The following TSPAN19 variants were observed in gnomAD, a reference collection of about 807,000 sequenced individuals.
TSPAN19 encodes tetraspanin 19.
In TSPAN19, 44 loss-of-function variants were observed where a neutral mutation model predicts 35.1. The ratio of observed to expected loss-of-function variants is 1.25; its 90% confidence interval spans 0.98 to 1.61. The LOEUF (loss-of-function observed/expected upper bound fraction) is 1.61. Among genes scored for constraint, TSPAN19 ranks in the 40% most tolerant of loss-of-function variants. The probability of loss-of-function intolerance (pLI) is 0.00; values close to 1 mark genes in which losing one functional copy is unlikely to be tolerated. For missense variants in TSPAN19, 290 were observed against 280.0 expected, an observed-to-expected ratio of 1.04 and a Z score of -0.26; for synonymous variants, 79 against 92.0, an observed-to-expected ratio of 0.86 and a Z score of 0.81.
intron 5 of TSPAN19, among the ~76,000 whole-genome samples, chr12:85,022,179 TG>T (rs889850261): frequency 2.5e-4 from 38 of 151,900 alleles, no homozygotes; most frequent in African/African-American, 9.2e-4. Context: ...AAAACTTACC[TG>T]CTGCAGCTAA....
At chr12:85,026,026 A>C (rs531748107) in intron 4 of TSPAN19, among the ~76,000 whole-genome samples, 2 of 152,162 alleles carry the variant, frequency 1.3e-5, no homozygotes, top group East Asian at 3.9e-4. Flanking sequence ...TCCAGGCCCT[A>C]ATCTGTCAGA....
chr12:85,023,351 G>T lies in TSPAN19; in HGVS notation c.314C>A (p.Ala105Glu), dbSNP rs780898960. 6.3e-7 allele frequency: 1 copy of T among 1,587,804 alleles called. No homozygotes were observed. Among genetic ancestry groups the T allele is most frequent in the South Asian group, 1.2e-5 (1 of 86,644 alleles). ...CTCCTCTTTCTTTGTGATGATGAATGCTGAAAGTACAACCTGAACAGCAAA... is the reference window on the plus strand; with the variant it reads ...CTCCTCTTTCTTTGTGATGATGAATTCTGAAAGTACAACCTGAACAGCAAA... ...WTFAVQVVLSAFIITKKEEVQ... is the reference protein window; with the variant it reads ...WTFAVQVVLSEFIITKKEEVQ... The change falls in exon 5 of 9, where the codon GCA (alanine) becomes GAA (glutamate). Residue 105 changes from alanine (A) to glutamate (E), a missense_variant. Coordinates refer to ENST00000532498, the MANE Select transcript of TSPAN19 (RefSeq NM_001100917.2).
At chr12:85,035,796 G>T (rs1666125118) in intron 1 of TSPAN19, among the ~76,000 whole-genome samples, 1 of 152,146 alleles carries the variant, frequency 6.6e-6, no homozygotes, top group African/African-American at 2.4e-5. Context: ...GTTTTATATT[G>T]AAATACTGTG....
chr12:85,025,275 A>C (rs527757522), intron 4 of TSPAN19, among the ~76,000 whole-genome samples: 1 of 150,940 alleles, frequency 6.6e-6, no homozygotes, highest in Non-Finnish European at 1.5e-5. Flanking sequence ...AGCTGGGATT[A>C]CCAGTGCCCA....
At chr12:85,028,136 G>A in intron 3 of TSPAN19, 113 bp from the exon 4 acceptor site, 1 of 825,962 alleles carries the variant, frequency 1.2e-6, no homozygotes, top group East Asian at 3.2e-5. Context: ...CTGAGCAGCT[G>A]TTGCCAAACC....
chr12:85,022,124 G>T (rs767892034), intron 5 of TSPAN19, among the ~76,000 whole-genome samples: 12 of 151,986 alleles, frequency 7.9e-5, no homozygotes, highest in Non-Finnish European at 1.3e-4. Flanking sequence ...AAAGTTTGAG[G>T]ATGATAGATT....
chr12:85,031,606 T>A (rs1489814850), intron 1 of TSPAN19, among the ~76,000 whole-genome samples: 1 of 152,152 alleles, frequency 6.6e-6, no homozygotes. Context: ...CTTTTATTTA[T>A]CTCAGTTCAA....
intron 4 of TSPAN19, among the ~76,000 whole-genome samples, chr12:85,023,912 T>A (rs1465877698): frequency 6.6e-6 from 1 of 152,044 alleles, no homozygotes; most frequent in Non-Finnish European, 1.5e-5. Flanking sequence ...TTTATTAGAC[T>A]ATTTAATTTT....
At chr12:85,032,881 G>T (rs1877752210) in intron 1 of TSPAN19, among the ~76,000 whole-genome samples, 1 of 152,102 alleles carries the variant, frequency 6.6e-6, no homozygotes, top group Non-Finnish European at 1.5e-5. Flanking sequence ...GTTAATTGAT[G>T]TTGAAAGCTC....
chr12:85,021,439 T>C (rs1877118164), intron 5 of TSPAN19, among the ~76,000 whole-genome samples: 1 of 152,096 alleles, frequency 6.6e-6, no homozygotes, highest in Admixed American at 6.6e-5. Flanking sequence ...TTATACTCTG[T>C]TCATTTTTAT....
chr12:85,021,938 T>C (rs1225921165), intron 5 of TSPAN19, among the ~76,000 whole-genome samples: 1 of 152,170 alleles, frequency 6.6e-6, no homozygotes, highest in African/African-American at 2.4e-5. Context: ...ATACAATGCC[T>C]ATAGTGTTTA....
intron 5 of TSPAN19, among the ~76,000 whole-genome samples, chr12:85,021,494 G>A (rs1179150173): frequency 6.6e-6 from 1 of 152,000 alleles, no homozygotes; most frequent in Admixed American, 6.6e-5. Flanking sequence ...TGTGTTGGGG[G>A]TGAAACATAT....
chr12:85,025,498 C>T (rs1877361383), intron 4 of TSPAN19, among the ~76,000 whole-genome samples: 1 of 150,940 alleles, frequency 6.6e-6, no homozygotes, highest in Admixed American at 6.6e-5. Flanking sequence ...TATGTTAAAT[C>T]ACCTTTAAGA....
chr12:85,027,487 C>T (rs1268355765), intron 4 of TSPAN19, among the ~76,000 whole-genome samples: 1 of 152,070 alleles, frequency 6.6e-6, no homozygotes. Context: ...TACCTTTCCG[C>T]GTGCCATGCC....
At chr12:85,022,209 A>G (rs1877165244) in intron 5 of TSPAN19, among the ~76,000 whole-genome samples, 1 of 152,000 alleles carries the variant, frequency 6.6e-6, no homozygotes, top group South Asian at 2.1e-4. Flanking sequence ...TAAAACTCAC[A>G]CACACACAAA....
chr12:85,029,236 T>C (rs1877567910), intron 3 of TSPAN19, among the ~76,000 whole-genome samples: 1 of 152,092 alleles, frequency 6.6e-6, no homozygotes, highest in Non-Finnish European at 1.5e-5. Flanking sequence ...TACGAGTAAA[T>C]AGTGGCAATG....
Position 85,019,623 on chromosome 12 carries a change from T to A in TSPAN19, c.450+3A>T. 1 of 1,562,196 alleles carries A rather than the reference T, an allele frequency of 6.4e-7. No homozygotes were observed. The highest frequency in any genetic ancestry group is 8.8e-7 in the Non-Finnish European group (1 of 1,134,730). Reference sequence around the variant, plus strand: ...TCTAATTTTTTAGTTAATTTCATCTTACTGTTTTCTGTAAGGCATTCAGAA... The same window carrying A: ...TCTAATTTTTTAGTTAATTTCATCTAACTGTTTTCTGTAAGGCATTCAGAA... On this transcript the variant is annotated splice_donor_region_variant and intron_variant, in intron 6 of 8. Coordinates refer to ENST00000532498, the MANE Select transcript of TSPAN19 (RefSeq NM_001100917.2).
chr12:85,022,225 G>GCA (rs142980003), intron 5 of TSPAN19, among the ~76,000 whole-genome samples: 202 of 150,026 alleles, frequency 1.3e-3, no homozygotes, highest in African/African-American at 4.3e-3. Flanking sequence ...ACAAACACAC[G>GCA]CACACACACA....
chr12:85,015,039 C>A (rs1391400664), intron 8 of TSPAN19: 1 of 152,070 alleles, frequency 6.6e-6, no homozygotes, highest in African/African-American at 2.4e-5. Context: ...CATTTAAAAA[C>A]AATGATATTA....
Sources: allele counts gnomAD v4.1 joint callset (sites outside exome capture counted in the v4.1 genomes callset), GRCh38; gene constraint gnomAD v4.1.1; transcripts MANE v1.5; gene names NCBI Gene and HGNC (gene_info 2026-07-23, HGNC 2026-07-21).